CERS6: variants seen among roughly 807,000 people sequenced by gnomAD.
The protein encoded by CERS6 is LAG1 homolog, ceramide synthase 6.
CERS6 carries 26 observed loss-of-function variants against 56.8 expected under a neutral mutation model. The observed-to-expected ratio is 0.46, with a 90% CI of 0.34 to 0.63. The LOEUF (loss-of-function observed/expected upper bound fraction) is 0.63. Among genes scored for constraint, CERS6 ranks in the 30% least tolerant of loss-of-function variants. The pLI, the probability that CERS6 is intolerant of heterozygous loss-of-function variation, is 0.01. For synonymous variants in CERS6, 164 were observed against 173.3 expected (o/e 0.95, Z 0.42); for missense variants, 415 against 467.5 (o/e 0.89, Z 1.04).
chr2:168,550,129 T>C (rs1342548873), intron 2 of CERS6, among the ~76,000 whole-genome samples: 1 of 152,162 alleles, frequency 6.6e-6, no homozygotes, highest in Non-Finnish European at 1.5e-5. Flanking sequence ...CATAAAGCTT[T>C]TTCCTTCCTC....
At chr2:168,694,328 G>A (rs1686581899) in intron 5 of CERS6, among the ~76,000 whole-genome samples, 1 of 152,130 alleles carries the variant, frequency 6.6e-6, no homozygotes, top group Admixed American at 6.5e-5. Flanking sequence ...TAAGACCCAA[G>A]TTTTATACCT....
intron 3 of CERS6, among the ~76,000 whole-genome samples, chr2:168,573,666 T>A (rs1465673762): frequency 1.3e-5 from 2 of 152,020 alleles, no homozygotes; most frequent in Admixed American, 6.6e-5. Flanking sequence ...TTAGGACCTT[T>A]GGTGCTCATT....
At chr2:168,585,229 A>G (rs916203637) in intron 3 of CERS6, among the ~76,000 whole-genome samples, 2 of 152,272 alleles carry the variant, frequency 1.3e-5, no homozygotes, top group African/African-American at 2.4e-5. Flanking sequence ...GCCTGGGCCC[A>G]GATAGAATGA....
At chr2:168,627,128 A>G (rs1217301940) in intron 3 of CERS6, among the ~76,000 whole-genome samples, 9 of 152,172 alleles carry the variant, frequency 5.9e-5, no homozygotes, top group African/African-American at 2.2e-4. Flanking sequence ...AGTCTTTTGA[A>G]ATTTTCCCGT....
intron 2 of CERS6, among the ~76,000 whole-genome samples, chr2:168,551,049 T>C (rs62175812): frequency 6.6e-6 from 1 of 152,052 alleles, no homozygotes; most frequent in African/African-American, 2.4e-5. Flanking sequence ...TTTGCCCCAT[T>C]GGACTTCATT....
At chr2:168,731,771 A>G (rs1683540763) in intron 8 of CERS6, among the ~76,000 whole-genome samples, 1 of 152,194 alleles carries the variant, frequency 6.6e-6, no homozygotes, top group South Asian at 2.1e-4. Flanking sequence ...CTGTGTTGTC[A>G]ATTAGGTGCC....
At chr2:168,631,191 A>G (rs1220995405) in intron 4 of CERS6, 149 bp downstream of exon 4, 2 of 476,724 alleles carry the variant, frequency 4.2e-6, no homozygotes, top group South Asian at 4.2e-5. Flanking sequence ...TTGACTTACA[A>G]AAATATTTCG....
At chr2:168,645,624 T>C (rs1242532098) in intron 4 of CERS6, among the ~76,000 whole-genome samples, 2 of 152,202 alleles carry the variant, frequency 1.3e-5, no homozygotes, top group African/African-American at 2.4e-5. Context: ...TTGTATAGAT[T>C]ATTTCATCAC....
At chr2:168,653,530 T>G (rs963567707) in intron 4 of CERS6, among the ~76,000 whole-genome samples, 1 of 152,258 alleles carries the variant, frequency 6.6e-6, no homozygotes, top group Admixed American at 6.5e-5. Context: ...TGAGGACATT[T>G]TCTGGTGTGC....
At chr2:168,692,035 A>G (rs1686517379) in intron 5 of CERS6, among the ~76,000 whole-genome samples, 2 of 152,120 alleles carry the variant, frequency 1.3e-5, no homozygotes, top group South Asian at 4.1e-4. Context: ...CTGGCACTGG[A>G]TACTCCTTGA....
At chr2:168,750,795 C>T (rs986502440) in intron 8 of CERS6, among the ~76,000 whole-genome samples, 2 of 152,148 alleles carry the variant, frequency 1.3e-5, no homozygotes, top group Non-Finnish European at 2.9e-5. Context: ...ATTAGATGTG[C>T]ACATTTTGAC....
chr2:168,728,276 C>T (rs919622252), intron 8 of CERS6, among the ~76,000 whole-genome samples: 4 of 151,234 alleles, frequency 2.6e-5, no homozygotes, highest in Non-Finnish European at 2.9e-5. Flanking sequence ...ACATTAGTCT[C>T]GTGAGTAATA....
chr2:168,542,106 T>G (rs1232364986), intron 1 of CERS6, among the ~76,000 whole-genome samples: 1 of 152,146 alleles, frequency 6.6e-6, no homozygotes, highest in Non-Finnish European at 1.5e-5. Context: ...TCCAGAGCCC[T>G]CAGGTAGTGT....
rs546058837 is a variant in CERS6 at position 168,551,705 on chromosome 2, G to A, written c.276+4004G>A. ...GATTACCTGAGAGTTAAAATGTAGA[G>A]TGTTACGTCATGTTTCTATAGATTC... On this transcript the variant is annotated intron_variant, in intron 2 of 9. Coordinates refer to ENST00000305747, the MANE Select transcript of CERS6 (RefSeq NM_203463.3). 4.6e-5 allele frequency among the ~76,000 whole-genome samples: 7 copies of A among 152,258 alleles called. No homozygotes were observed. In the South Asian group the frequency reaches 1.5e-3, roughly 32 times the overall value.
chr2:168,519,708 C>T (rs1694944615), intron 1 of CERS6, among the ~76,000 whole-genome samples: 1 of 152,176 alleles, frequency 6.6e-6, no homozygotes, highest in African/African-American at 2.4e-5. Flanking sequence ...CTGCAAAGGA[C>T]ATGATTTCAT....
intron 1 of CERS6, among the ~76,000 whole-genome samples, chr2:168,488,511 T>C (rs568690518): frequency 6.6e-6 from 1 of 152,256 alleles, no homozygotes; most frequent in African/African-American, 2.4e-5. Flanking sequence ...TTTTGAAAAA[T>C]CTTTTTTCAT....
intron 4 of CERS6, among the ~76,000 whole-genome samples, chr2:168,654,691 G>A (rs541003490): frequency 3.9e-5 from 6 of 152,262 alleles, no homozygotes; most frequent in South Asian, 2.1e-4. Context: ...TCTGGCCATC[G>A]GTTAATAGTA....
At position 168,572,880 on chromosome 2, in the gene CERS6, C is replaced by A. The variant is rs140337925; in HGVS notation, c.407+11558C>A. Among the ~76,000 whole-genome samples the A allele has an allele frequency of 1.9e-3, 294 of 152,144 alleles. 3 individuals carry two copies. Among genetic ancestry groups the A allele is most frequent in the Middle Eastern group, 6.8e-3 (2 of 294 alleles). On this transcript the variant is annotated intron_variant, in intron 3 of 9. Coordinates refer to ENST00000305747, the MANE Select transcript of CERS6 (RefSeq NM_203463.3). ...CACAATGTCTGGTGCTTTGTAAGGC[C>A]CCCCAAAATGTCCAGTGAATGAGTC...
chr2:168,706,215 A>G (rs1433782386), intron 6 of CERS6, among the ~76,000 whole-genome samples: 1 of 152,234 alleles, frequency 6.6e-6, no homozygotes, highest in Non-Finnish European at 1.5e-5. Context: ...GGCATTGGAA[A>G]TCAAGCTCCA....
Sources: gnomAD v4.1 joint callset for allele counts (sites outside exome capture counted in the v4.1 genomes callset) on GRCh38, gnomAD v4.1.1 for gene constraint, MANE v1.5 for transcripts, NCBI Gene and HGNC (gene_info 2026-07-23, HGNC 2026-07-21) for gene names.